Variants in FRMD7 observed in about 807,000 individuals in gnomAD.
FRMD7 encodes FERM domain containing 7.
Under a neutral mutation model 44.1 loss-of-function variants are expected in FRMD7, and 14 were observed. The ratio of observed to expected loss-of-function variants is 0.32; its 90% CI spans 0.21 to 0.50. The LOEUF (loss-of-function observed/expected upper bound fraction) is 0.50. FRMD7 is among the 20% of genes least tolerant of loss of function. The pLI is 0.99. For synonymous variants in FRMD7, 212 were observed against 187.4 expected (o/e 1.13, Z -1.07); for missense variants, 501 against 522.3 (o/e 0.96, Z 0.40).
chrX:132,121,243 A>G (rs998192144), intron 1 of FRMD7, among the ~76,000 whole-genome samples: 2 of 111,914 alleles, frequency 1.8e-5, no homozygotes, highest in African/African-American at 3.3e-5. Context: ...CAATGTCCAG[A>G]CAGGATTTTG....
intron 1 of FRMD7, among the ~76,000 whole-genome samples, chrX:132,115,980 G>A: frequency 9.0e-6 from 1 of 111,302 alleles, no homozygotes; most frequent in East Asian, 2.8e-4. Flanking sequence ...TAGTCAGTGA[G>A]GGCATACTGT....
rs548120476 is a variant in FRMD7, at chrX:132,101,874, C to T, written c.58-1158G>A. 4.5e-5 allele frequency among the ~76,000 whole-genome samples: 5 copies of T among 111,655 alleles called. No homozygotes were observed. The South Asian group carries it at 1.9e-3, about 42-fold the overall frequency. ...GGGACTGATTTTCAGCCTGCCTCCA[C>T]TATTGCTGAACCCAGGGATTGCTGT... On this transcript the variant is annotated intron_variant, in intron 1 of 11. Coordinates refer to ENST00000298542, the MANE Select transcript of FRMD7 (RefSeq NM_194277.3).
At chrX:132,094,664 A>G (rs1251812713) in intron 4 of FRMD7, among the ~76,000 whole-genome samples, 2 of 112,016 alleles carry the variant, frequency 1.8e-5, no homozygotes, top group Non-Finnish European at 3.8e-5. Context: ...ATCTGTGGCT[A>G]GAACTTAGGT....
At chrX:132,127,688 G>T in intron 1 of FRMD7, 100 bp downstream of exon 1, 1 of 664,725 alleles carries the variant, frequency 1.5e-6, no homozygotes, top group Non-Finnish European at 2.5e-6. Flanking sequence ...CCTTCATTCA[G>T]TCCTAAAGAA....
chrX:132,119,707 G>A (rs1427890251), intron 1 of FRMD7, among the ~76,000 whole-genome samples: 2 of 111,453 alleles, frequency 1.8e-5, no homozygotes, highest in East Asian at 5.7e-4. Context: ...TTTAGAACCA[G>A]GCAAGCTATA....
At chrX:132,085,391 A>T (rs1189728486) in intron 7 of FRMD7, among the ~76,000 whole-genome samples, 190 bp downstream of exon 7, 1 of 112,184 alleles carries the variant, frequency 8.9e-6, no homozygotes, top group Non-Finnish European at 1.9e-5. Flanking sequence ...CATTCCCTGC[A>T]GTTAACTATG....
intron 8 of FRMD7, among the ~76,000 whole-genome samples, chrX:132,083,670 A>T (rs1454016240): frequency 1.8e-5 from 2 of 112,505 alleles, no homozygotes; most frequent in Non-Finnish European, 3.8e-5. Context: ...GTCATAAGAA[A>T]ATTCCTTTCT....
chrX:132,125,417 A>G (rs1253212891), intron 1 of FRMD7, among the ~76,000 whole-genome samples: 1 of 111,348 alleles, frequency 9.0e-6, no homozygotes, highest in African/African-American at 3.3e-5. Context: ...TTGAAGGACA[A>G]TTTTCCCTGG....
rs771224602 is a variant in FRMD7, at chrX:132,078,834, G to C, written c.1183C>G (p.His395Asp). The C allele has an allele frequency of 8.3e-7, 1 of 1,210,007 alleles. No homozygotes were observed. ...LEVTFATELE[H>D]SKPEADPTLL... ...GTGGGATCCGCCTCTGGTTTGGAAT[G>C]CTCCAGCTCAGTTGCAAATGTCACC... The change falls in exon 12 of 12, where the codon CAT (histidine) becomes GAT (aspartate). Residue 395 changes from histidine (H) to aspartate (D), a missense_variant. Coordinates refer to ENST00000298542, the MANE Select transcript of FRMD7 (RefSeq NM_194277.3).
At chrX:132,085,851 T>C in intron 6 of FRMD7, 69 bp downstream of exon 6, 1 of 1,011,276 alleles carries the variant, frequency 9.9e-7, no homozygotes, top group Non-Finnish European at 1.4e-6. Context: ...AAGGGCTTGC[T>C]CTTAAGAGTC....
chrX:132,082,765 C>T (rs1927860168), intron 8 of FRMD7, among the ~76,000 whole-genome samples: 1 of 111,977 alleles, frequency 8.9e-6, no homozygotes, highest in Non-Finnish European at 1.9e-5. Flanking sequence ...TGCACACTCC[C>T]CTCACCTTAA....
At chrX:132,109,289 C>A (rs954143067) in intron 1 of FRMD7, among the ~76,000 whole-genome samples, 1 of 111,844 alleles carries the variant, frequency 8.9e-6, no homozygotes, top group African/African-American at 3.3e-5. Flanking sequence ...TCAGTCTTAA[C>A]CTTCTCCTTA....
intron 4 of FRMD7, among the ~76,000 whole-genome samples, chrX:132,096,190 CAGAA>C (rs1279255163): frequency 9.0e-6 from 1 of 111,554 alleles, no homozygotes; most frequent in South Asian, 3.7e-4. Context: ...GAGAGAAAGA[CAGAA>C]AGAGAGGCTT....
At chrX:132,082,240 G>A in intron 9 of FRMD7, 123 bp downstream of exon 9, 3 of 627,395 alleles carry the variant, frequency 4.8e-6, no homozygotes, top group Non-Finnish European at 8.2e-6. Context: ...AGGAAAGGGT[G>A]CAATCTTTGA....
chrX:132,095,885 A>C (rs1265076795), intron 4 of FRMD7, among the ~76,000 whole-genome samples: 1 of 112,752 alleles, frequency 8.9e-6, no homozygotes, highest in African/African-American at 3.2e-5. Context: ...TTTTGCTCCT[A>C]GCATGAAAGA....
At position 132,082,344 on chromosome X, in the gene FRMD7, A is replaced by G. The variant is rs755411133; in HGVS notation, c.905+19T>C. The G allele has an allele frequency of 1.3e-5, 15 of 1,192,846 alleles. No individual in the cohort carries two copies. In the South Asian group the frequency reaches 2.3e-4, roughly 18 times the overall value. ...AAGAAGCAGTGTGAGCAGTTTGCCTATGTGCATTGTTTAATTACCTATAGC... is the reference window on the plus strand; with the variant it reads ...AAGAAGCAGTGTGAGCAGTTTGCCTGTGTGCATTGTTTAATTACCTATAGC... On this transcript the variant is annotated intron_variant, in intron 9 of 11. Coordinates refer to ENST00000298542, the MANE Select transcript of FRMD7 (RefSeq NM_194277.3).
intron 7 of FRMD7, among the ~76,000 whole-genome samples, chrX:132,085,245 G>T (rs887644020): frequency 9.0e-6 from 1 of 111,225 alleles, no homozygotes; most frequent in Non-Finnish European, 1.9e-5. Context: ...AACCAGCTTT[G>T]CTTTTTTGCT....
chrX:132,125,249 G>T (rs912407083), intron 1 of FRMD7, among the ~76,000 whole-genome samples: 1 of 111,598 alleles, frequency 9.0e-6, no homozygotes, highest in African/African-American at 3.3e-5. Context: ...GTGGAGAAAG[G>T]GTTCTGGATG....
chrX:132,085,799 G>T, intron 6 of FRMD7, 71 bp from the exon 7 acceptor site: 2 of 1,088,038 alleles, frequency 1.8e-6, no homozygotes, highest in Non-Finnish European at 2.6e-6. Flanking sequence ...AGAGCTCCAT[G>T]AGGATCTCAG....
Sources: gnomAD v4.1 joint callset for allele counts (sites outside exome capture counted in the v4.1 genomes callset) on GRCh38, gnomAD v4.1.1 for gene constraint, MANE v1.5 for transcripts, NCBI Gene and HGNC (gene_info 2026-07-23, HGNC 2026-07-21) for gene names.